The following HR variants were observed in gnomAD, a reference collection of about 807,000 sequenced individuals.
HR encodes HR lysine demethylase and nuclear receptor corepressor.
Under a neutral mutation model 128.6 loss-of-function variants are expected in HR, and 83 were observed. That is an observed-to-expected ratio of 0.65 (90% CI 0.54 to 0.77). The LOEUF is 0.77. Among genes scored for constraint, HR ranks in the 30% least tolerant of loss-of-function variants. HR has a pLI of 0.00. For missense variants in HR, 1,490 were observed against 1,574.6 expected (o/e 0.95, Z 0.91); for synonymous variants, 681 against 658.2 (o/e 1.03, Z -0.53).
At chr8:22,123,562 G>A (rs1826807065) in intron 6 of HR, 87 bp downstream of exon 6, 1 of 1,351,084 alleles carries the variant, frequency 7.4e-7, no homozygotes, top group Middle Eastern at 2.5e-4. Context: ...GGCTTTTTGG[G>A]GAGAGGCAGC....
Position 22,116,292 on chromosome 8 carries a change from C to G in HR, c.3507+8G>C. 6.2e-7 allele frequency: 1 copy of G among 1,611,924 alleles called. No individual in the cohort carries two copies. The highest frequency in any genetic ancestry group is 8.5e-7 in the Non-Finnish European group (1 of 1,179,790). ...CACACCCAGCCTGCTGGCCCACATC[C>G]CACTCACCTGGGCATAAAGCAGGTG... On this transcript the variant is annotated splice_region_variant and intron_variant, in intron 18 of 18. Transcript: ENST00000381418. This position sits in a 1 kb window ranked among gnomAD's most constrained non-coding sequence, Gnocchi z 4.2.
intron 16 of HR, chr8:22,117,255 G>A (rs1826616921): frequency 1.8e-6 from 1 of 549,678 alleles, no homozygotes; most frequent in Non-Finnish European, 3.2e-6. Flanking sequence ...TAGAAGGAAG[G>A]GATTCAAGGC....
At chr8:22,122,240 G>A (rs955987640) in intron 8 of HR, among the ~76,000 whole-genome samples, 5 of 152,158 alleles carry the variant, frequency 3.3e-5, no homozygotes, top group South Asian at 2.1e-4. Context: ...TGTGGCAAGC[G>A]CTGAACAAGA....
chr8:22,121,662 T>A lies in HR; in HGVS notation c.2154A>T (p.Pro718=). 6.2e-7 allele frequency: 1 copy of A among 1,614,180 alleles called. No individual in the cohort carries two copies. Among genetic ancestry groups the A allele is most frequent in the East Asian group, 2.2e-5 (1 of 44,878 alleles). The stretch of plus-strand genomic sequence containing the variant: ...GGGTGTCGCCATTGCAGGAAGGTTG[T>A]GGAGTTGGGGGCGTTTTCTGTGTTG... ...KESTQKTPPT[P]QPSCNGDTHR... is the part of the protein sequence containing the mutation. The change falls in exon 9 of 19, where the codon CCA becomes CCT. Residue 718 remains proline (P), a synonymous_variant. Transcript: ENST00000381418.
At position 22,122,545 on chromosome 8, in the gene HR, C is replaced by G; in HGVS notation, c.2069G>C (p.Cys690Ser). The change falls in exon 8 of 19, where the codon TGC (cysteine) becomes TCC (serine). Residue 690 changes from cysteine (C) to serine (S), a missense_variant. By Grantham distance (112) the Cys-to-Ser change is moderately radical (BLOSUM62 -1). Around this residue, in one of 3 missense-constraint regions of HR, gnomAD observed 1,060 missense variants for 1,060.9 expected, o/e 1.00. Transcript: ENST00000381418. Reference protein sequence around the residue: ...VWVKFDIRGHCPCQADARVWA... With the variant: ...VWVKFDIRGHSPCQADARVWA... ...TACCCGGGCATCAGCTTGGCAGGGG[C>G]AGTGCCCCCGGATATCAAACTTGAC... 1.2e-6 allele frequency: 2 copies of G among 1,612,088 alleles called. No homozygotes were observed. Among genetic ancestry groups the G allele is most frequent in the South Asian group, 1.1e-5 (1 of 90,842 alleles).
chr8:22,119,704 A>G (rs1563617606), intron 14 of HR, 56 bp downstream of exon 14: 1 of 1,558,764 alleles, frequency 6.4e-7, no homozygotes, highest in Non-Finnish European at 8.7e-7. Flanking sequence ...GTGCCCCGAG[A>G]TGACAGGCAG....
chr8:22,120,550 G>T (rs1409999220), intron 11 of HR, 43 bp from the exon 12 acceptor site: 1 of 1,610,846 alleles, frequency 6.2e-7, no homozygotes. Flanking sequence ...AATGGCCAGG[G>T]TGCCCGCCAT....
At chr8:22,123,617 T>TGTGGCC in intron 6 of HR, 32 bp downstream of exon 6, 1 of 292,092 alleles carries the variant, frequency 3.4e-6, no homozygotes, top group African/African-American at 2.8e-5. Context: ...GAGGGCTCCA[T>TGTGGCC]CCCGCCCTCC....
chr8:22,126,965 C>T (rs144636288), intron 3 of HR, 72 bp downstream of exon 3: 88 of 1,475,848 alleles, frequency 6.0e-5, no homozygotes, highest in African/African-American at 4.0e-4. Flanking sequence ...CTACAGACCC[C>T]GCCCCATGCG....
rs1225076283 is a variant in HR, at chr8:22,120,740, G to A, written c.2586C>T (p.Phe862=). The A allele has an allele frequency of 6.6e-7, 1 of 1,507,346 alleles. No individual in the cohort carries two copies. Among genetic ancestry groups the A allele is most frequent in the South Asian group, 1.3e-5 (1 of 79,254 alleles). 93.4% of individuals were successfully genotyped at this position (1,507,346 alleles called of 1,614,324 possible). A position where few individuals can be genotyped will look rare whatever the true frequency, so the allele number is the denominator to read the frequency against. Residue 862 remains phenylalanine (F), a synonymous_variant, in exon 11 of 19, where the codon TTC becomes TTT. Coordinates refer to ENST00000381418, the MANE Select transcript of HR (RefSeq NM_005144.5). ...QPCPRRGFHL[F]QEHWRQGQPV... ...CCTGGCCCTGCCTCCAGTGCTCCTGGAAGAGGTGGAAGCCACGCCGAGGGC... is the reference window on the plus strand; with the variant it reads ...CCTGGCCCTGCCTCCAGTGCTCCTGAAAGAGGTGGAAGCCACGCCGAGGGC...
At position 22,117,032 on chromosome 8, in the gene HR, G is replaced by C. The variant is rs376198743; in HGVS notation, c.3221C>G (p.Pro1074Arg). ...AGGCTCCAGGGCGCCTGCCCCGGCC[G>C]GGCACACCTCAAAGAAGAGAAGGGG... ...RIRRFLQMVC[P>R]AGAGALEPGA... Residue 1074 changes from proline (P) to arginine (R), a missense_variant, in exon 17 of 19, where the codon CCG becomes CGG. Pro to Arg is a moderately radical substitution (Grantham distance 103). Coordinates refer to ENST00000381418, the MANE Select transcript of HR (RefSeq NM_005144.5). The C allele has an allele frequency of 1.3e-6, 2 of 1,502,720 alleles. No homozygotes were observed. The highest frequency in any genetic ancestry group is 2.8e-5 in the African/African-American group (2 of 72,278). The allele number at this position is 1,502,720 out of a possible 1,614,324, so 93.1% of individuals were successfully genotyped here.
chr8:22,122,839 G>C lies in HR; in HGVS notation c.1956C>G (p.Ala652=). 4.5e-6 allele frequency: 7 copies of C among 1,555,964 alleles called. No homozygotes were observed. The highest frequency in any genetic ancestry group is 5.2e-6 in the Non-Finnish European group (6 of 1,149,864). The change falls in exon 7 of 19, where the codon GCC becomes GCG. Residue 652 remains alanine (A), a synonymous_variant. Coordinates refer to ENST00000381418, the MANE Select transcript of HR (RefSeq NM_005144.5). The part of the protein sequence containing the change: ...EQSAEECTQE[A]GHAACSLMLT... Reference sequence around the variant, plus strand: ...GCATCAGGGAACAGGCAGCGTGCCCGGCCTCCTGCGTGCACTCCTCCGCGG... The same window carrying C: ...GCATCAGGGAACAGGCAGCGTGCCCCGCCTCCTGCGTGCACTCCTCCGCGG...
rs754313247 is a variant in HR, at chr8:22,121,713, A to C, written c.2122-19T>G. The C allele has an allele frequency of 9.3e-6, 15 of 1,609,558 alleles. No homozygotes were observed. The highest frequency in any genetic ancestry group is 1.3e-5 in the African/African-American group (1 of 74,334). The stretch of plus-strand genomic sequence containing the variant: ...ATTCCTTCTGTTAAACCCATCCACC[A>C]CCCCCCCAATCCAACCAGAGATTTT... On this transcript the variant is annotated intron_variant, in intron 8 of 18. Transcript: ENST00000381418.
chr8:22,117,054 G>A lies in HR; in HGVS notation c.3214-15C>T. ...GCCGGGCACACCTCAAAGAAGAGAA[G>A]GGGGAATGAGCGAGATGGGGAGGGA... On this transcript the variant is annotated splice_polypyrimidine_tract_variant and intron_variant, in intron 16 of 18. Coordinates refer to ENST00000381418, the MANE Select transcript of HR (RefSeq NM_005144.5). 6.8e-7 allele frequency: 1 copy of A among 1,478,412 alleles called. No individual in the cohort carries two copies. Among genetic ancestry groups the A allele is most frequent in the Non-Finnish European group, 8.9e-7 (1 of 1,120,064 alleles). 91.6% of individuals were successfully genotyped at this position (1,478,412 alleles called of 1,614,324 possible). A position where few individuals can be genotyped will look rare whatever the true frequency, so the allele number is the denominator to read the frequency against.
chr8:22,120,394 C>G lies in HR; in HGVS notation c.2724G>C (p.Gln908His), dbSNP rs757232733. 2 of 1,613,962 alleles carry G rather than the reference C, an allele frequency of 1.2e-6. No individual in the cohort carries two copies. Among genetic ancestry groups the G allele is most frequent in the South Asian group, 2.2e-5 (2 of 91,086 alleles). Residue 908 changes from glutamine to histidine, a missense_variant, in exon 12 of 19, where the codon CAG becomes CAC. Physicochemically the swap from Gln to His is conservative, Grantham distance 24. Around this residue, in one of 3 missense-constraint regions of HR, gnomAD observed 423 missense variants for 495.9 expected, o/e 0.85. Transcript: ENST00000381418. ...VQALSPLGPP[Q>H]PSSLGSTTFW... ...ATGTTGTGCTGCCCAGGCTGCTGGG[C>G]TGGGGAGGTCCGAGGGGGCTCAGCG...
At chr8:22,129,780 G>A (rs1433197420) in intron 1 of HR, among the ~76,000 whole-genome samples, 2 of 152,184 alleles carry the variant, frequency 1.3e-5, no homozygotes, top group African/African-American at 4.8e-5. Context: ...GCTGGGGAAC[G>A]CTGCCAGCCA....
Position 22,128,960 on chromosome 8 carries a change from C to T in HR, c.211G>A (p.Asp71Asn). 1 of 1,613,418 alleles carries T rather than the reference C, an allele frequency of 6.2e-7. No individual in the cohort carries two copies. Among genetic ancestry groups the T allele is most frequent in the Non-Finnish European group, 8.5e-7 (1 of 1,180,002 alleles). The change falls in exon 2 of 19, where the codon GAC becomes AAC. Residue 71 changes from aspartate (D) to asparagine (N), a missense_variant. Physicochemically the swap from Asp to Asn is conservative, Grantham distance 23. This residue lies in a region of HR where 1,060 missense variants were observed against 1,060.9 expected (regional missense o/e 1.00). Coordinates refer to ENST00000381418, the MANE Select transcript of HR (RefSeq NM_005144.5). ...LPPGFPQGPK[D>N]MLPLVEGEGP... ...TCGCCCTCCACAAGTGGGAGCATGT[C>T]CTTGGGGCCCTGGGGGAAGCCAGGG...
At chr8:22,126,984 G>GCCCCCGCGGC in intron 3 of HR, 53 bp downstream of exon 3, 1 of 1,267,116 alleles carries the variant, frequency 7.9e-7, no homozygotes. Context: ...CGAAGCCCCA[G>GCCCCCGCGGC]CCCCGGCTGC....
In HR at chr8:22,115,578, G is replaced by A; in HGVS notation, c.*122C>T. On this transcript the variant is annotated 3_prime_UTR_variant, in exon 19 of 19. Transcript: ENST00000381418. ...AGAGTGCCCTGCTTGTGCCCAGAGT[G>A]GTGCTTGTGGGGTTGACCAGAAATC... 1.2e-6 allele frequency: 1 copy of A among 834,286 alleles called. No individual in the cohort carries two copies. Among genetic ancestry groups the A allele is most frequent in the Non-Finnish European group, 2.0e-6 (1 of 492,090 alleles). The allele number at this position is 834,286 out of a possible 1,614,324, so 51.7% of individuals were successfully genotyped here. A position where few individuals can be genotyped will look rare whatever the true frequency, so the allele number is the denominator to read the frequency against.
Sources: allele counts gnomAD v4.1 joint callset (sites outside exome capture counted in the v4.1 genomes callset), GRCh38; gene constraint gnomAD v4.1.1; regional missense constraint gnomAD v4.1.1; non-coding constraint Gnocchi (gnomAD v3.1); transcripts MANE v1.5; gene names NCBI Gene and HGNC (gene_info 2026-07-23, HGNC 2026-07-21).